Variants in ZNF521 observed in about 807,000 individuals in gnomAD.
The protein encoded by ZNF521 is LYST-interacting protein 3.
ZNF521 carries 14 observed loss-of-function variants against 105.5 expected under a neutral mutation model. That is an observed-to-expected ratio of 0.13 (90% CI 0.09 to 0.21). The LOEUF (loss-of-function observed/expected upper bound fraction) is 0.21. Ranked by LOEUF, ZNF521 falls within the 10% of genes least tolerant of loss-of-function variation. The pLI, the probability that ZNF521 is intolerant of heterozygous loss-of-function variation, is 1.00. For missense variants in ZNF521, 1,233 were observed against 1,629.7 expected, an observed-to-expected ratio of 0.76 and a Z score of 4.19; for synonymous variants, 635 against 606.0, an observed-to-expected ratio of 1.05 and a Z score of -0.70.
chr18:25,320,057 T>C (rs1313880290), intron 3 of ZNF521, among the ~76,000 whole-genome samples: 1 of 152,240 alleles, frequency 6.6e-6, no homozygotes, highest in East Asian at 1.9e-4. Context: ...ATGTTATGCA[T>C]GATCCTGAAT....
intron 7 of ZNF521, among the ~76,000 whole-genome samples, chr18:25,076,489 C>T (rs2033365334): frequency 6.6e-6 from 1 of 152,140 alleles, no homozygotes; most frequent in Non-Finnish European, 1.5e-5. Flanking sequence ...TCTCTTATCC[C>T]TATGCAATTG....
intron 3 of ZNF521, among the ~76,000 whole-genome samples, chr18:25,269,176 T>C (rs1214737992): frequency 6.9e-6 from 1 of 145,786 alleles, no homozygotes; most frequent in Non-Finnish European, 1.5e-5. Flanking sequence ...CCAACAAAGA[T>C]CAAAAGAGAC....
intron 7 of ZNF521, among the ~76,000 whole-genome samples, chr18:25,063,515 A>T (rs1160313637): frequency 6.6e-6 from 1 of 151,764 alleles, no homozygotes; most frequent in African/African-American, 2.4e-5. Context: ...TCTCTTTCCA[A>T]ATTGTGAGAG....
chr18:25,062,811 G>A, intron 7 of ZNF521, 70 bp from the exon 8 acceptor site: 1 of 1,344,326 alleles, frequency 7.4e-7, no homozygotes, highest in Non-Finnish European at 9.9e-7. Flanking sequence ...ACAAACTTCA[G>A]TGATTTCATT....
intron 5 of ZNF521, among the ~76,000 whole-genome samples, chr18:25,193,170 AC>A (rs1304928395): frequency 6.6e-6 from 1 of 152,082 alleles, no homozygotes; most frequent in African/African-American, 2.4e-5. Context: ...TAAAATAAAT[AC>A]AAATAGGAAT....
chr18:25,346,864 T>C (rs1308475799), intron 2 of ZNF521, among the ~76,000 whole-genome samples: 1 of 152,182 alleles, frequency 6.6e-6, no homozygotes, highest in Non-Finnish European at 1.5e-5. Context: ...GTGTCTTGTG[T>C]TTAACTTGGC....
chr18:25,078,435 C>A (rs2033415153), intron 7 of ZNF521, among the ~76,000 whole-genome samples: 1 of 152,204 alleles, frequency 6.6e-6, no homozygotes, highest in African/African-American at 2.4e-5. Context: ...CCCTACTTTT[C>A]CTTTGCAGGA....
Position 25,165,656 on chromosome 18 carries a change from C to T in ZNF521, c.3658+29504G>A, listed in dbSNP as rs568094230. Among the ~76,000 whole-genome samples the T allele has an allele frequency of 5.3e-5, 8 of 152,184 alleles. No individual in the cohort carries two copies. The South Asian group carries it at 6.2e-4, about 12-fold the overall frequency. ...CTCAAAGTAATAAGTTCTGTGGCTA[C>T]ATGTGGGCCTGAGTTGGTGTAATTT... On this transcript the variant is annotated intron_variant, in intron 5 of 7. Transcript: ENST00000361524.
At chr18:25,113,809 A>G (rs1047196753) in intron 5 of ZNF521, among the ~76,000 whole-genome samples, 3 of 67,192 alleles carry the variant, frequency 4.5e-5, no homozygotes, top group African/African-American at 1.7e-4. Flanking sequence ...CGGGGGAGAG[A>G]GCAGGGCCTT....
chr18:25,147,200 AT>A (rs1477773770), intron 5 of ZNF521, among the ~76,000 whole-genome samples: 1 of 145,852 alleles, frequency 6.9e-6, no homozygotes, highest in Non-Finnish European at 1.5e-5. Flanking sequence ...ATGAAATATA[AT>A]AATAATGTCA....
At chr18:25,166,533 A>G (rs2035344630) in intron 5 of ZNF521, among the ~76,000 whole-genome samples, 2 of 152,230 alleles carry the variant, frequency 1.3e-5, no homozygotes, top group Admixed American at 6.5e-5. Flanking sequence ...ATAAAGACAC[A>G]TATGCACACA....
chr18:25,168,644 G>A (rs1034412371), intron 5 of ZNF521, among the ~76,000 whole-genome samples: 4 of 152,150 alleles, frequency 2.6e-5, no homozygotes, highest in South Asian at 2.1e-4. Flanking sequence ...TAGTCAGAAC[G>A]TGCCAAAGTC....
At chr18:25,065,496 T>C (rs975204559) in intron 7 of ZNF521, among the ~76,000 whole-genome samples, 2 of 152,238 alleles carry the variant, frequency 1.3e-5, no homozygotes, top group South Asian at 4.2e-4. Context: ...GACATCTCAT[T>C]ATGTATATGC....
intron 3 of ZNF521, among the ~76,000 whole-genome samples, chr18:25,313,194 C>T (rs1485808541): frequency 1.3e-5 from 2 of 152,200 alleles, no homozygotes; most frequent in African/African-American, 4.8e-5. Context: ...CTGGCTTCTC[C>T]AGCCCCTTTT....
At chr18:25,090,607 G>A (rs936962542) in intron 6 of ZNF521, among the ~76,000 whole-genome samples, 1 of 152,142 alleles carries the variant, frequency 6.6e-6, no homozygotes, top group Non-Finnish European at 1.5e-5. Context: ...TGCAGACTGT[G>A]CACGATTAAT....
intron 3 of ZNF521, among the ~76,000 whole-genome samples, chr18:25,288,371 T>C (rs1448973188): frequency 6.6e-6 from 1 of 152,194 alleles, no homozygotes; most frequent in East Asian, 1.9e-4. Context: ...ATTTTCCTCA[T>C]CTTCCCCAGC....
intron 2 of ZNF521, among the ~76,000 whole-genome samples, chr18:25,341,648 T>C (rs926797855): frequency 1.3e-5 from 2 of 152,222 alleles, no homozygotes; most frequent in African/African-American, 4.8e-5. Flanking sequence ...TCTTAAAAAG[T>C]ATAGTTCATC....
At chr18:25,283,208 G>T (rs979317449) in intron 3 of ZNF521, among the ~76,000 whole-genome samples, 2 of 152,136 alleles carry the variant, frequency 1.3e-5, no homozygotes, top group African/African-American at 4.8e-5. Context: ...CTTCCACCAG[G>T]CCCCTCACTT....
chr18:25,322,523 C>G (rs1912988606), intron 2 of ZNF521, among the ~76,000 whole-genome samples: 1 of 114,244 alleles, frequency 8.8e-6, no homozygotes. Context: ...TAAAATTAAA[C>G]AGTCTCCAAT....
Sources: gnomAD v4.1 joint callset for allele counts (sites outside exome capture counted in the v4.1 genomes callset) on GRCh38, gnomAD v4.1.1 for gene constraint, MANE v1.5 for transcripts, NCBI Gene and HGNC (gene_info 2026-07-23, HGNC 2026-07-21) for gene names.